Variants in NINJ2 observed in about 807,000 individuals in gnomAD.
The protein encoded by NINJ2 is ninjurin 2, also known as ninjurin-2.
Under a neutral mutation model 11.7 loss-of-function variants are expected in NINJ2, and 12 were observed. The observed-to-expected ratio is 1.02, with a 90% confidence interval of 0.66 to 1.66. The LOEUF (loss-of-function observed/expected upper bound fraction) is 1.66. Among genes scored for constraint, NINJ2 ranks in the 40% most tolerant of loss-of-function variants. The probability of loss-of-function intolerance (pLI) is 0.00; values close to 1 mark genes in which losing one functional copy is unlikely to be tolerated. For missense variants in NINJ2, 187 were observed against 181.8 expected (o/e 1.03, Z -0.16); for synonymous variants, 93 against 76.8 (o/e 1.21, Z -1.10).
intron 1 of NINJ2, among the ~76,000 whole-genome samples, chr12:606,618 A>G (rs993741840): frequency 7.9e-5 from 12 of 152,216 alleles, no homozygotes; most frequent in African/African-American, 2.2e-4. Flanking sequence ...TGAGCTCCAG[A>G]GGACAGAGGA....
chr12:583,463 CT>C (rs1231871401), intron 1 of NINJ2, among the ~76,000 whole-genome samples: 2 of 152,394 alleles, frequency 1.3e-5, no homozygotes, highest in East Asian at 3.9e-4. Flanking sequence ...CAGCCTGAGG[CT>C]GCCACCTGGC....
intron 1 of NINJ2, among the ~76,000 whole-genome samples, chr12:631,327 T>G (rs1948278694): frequency 6.6e-6 from 1 of 152,230 alleles, no homozygotes; most frequent in Admixed American, 6.5e-5. Flanking sequence ...TTTACTCACC[T>G]GAGAGCTGCC....
At position 591,786 on chromosome 12, in the gene NINJ2, A is replaced by T. The variant is rs1233145434; in HGVS notation, c.34-25608T>A. Among the ~76,000 whole-genome samples, 4 of 152,164 alleles carry T rather than the reference A, an allele frequency of 2.6e-5. No individual in the cohort carries two copies. Among genetic ancestry groups the T allele is most frequent in the Admixed American group, 2.6e-4 (4 of 15,276 alleles). ...TTGTGGGAGCTGGCTGCAAGGGCCAAGGGTGTTTCTTTAGAGATATTTCTC... is the reference window on the plus strand; with the variant it reads ...TTGTGGGAGCTGGCTGCAAGGGCCATGGGTGTTTCTTTAGAGATATTTCTC... On this transcript the variant is annotated intron_variant, in intron 1 of 3. Transcript: ENST00000305108. The surrounding 1 kb of genome is among the most constrained non-coding windows in gnomAD (Gnocchi z 5.0).
intron 1 of NINJ2, among the ~76,000 whole-genome samples, chr12:654,246 C>A (rs772593126): frequency 2.0e-5 from 3 of 152,086 alleles, no homozygotes; most frequent in Non-Finnish European, 2.9e-5. Context: ...TGGATGGGGT[C>A]AGGCACGGTG....
At chr12:571,224 T>C (rs1207818939) in intron 1 of NINJ2, among the ~76,000 whole-genome samples, 1 of 152,104 alleles carries the variant, frequency 6.6e-6, no homozygotes, top group Non-Finnish European at 1.5e-5. Flanking sequence ...GACGGGGAGT[T>C]TGGGGCGGCA....
chr12:588,361 G>A (rs908364473), intron 1 of NINJ2, among the ~76,000 whole-genome samples: 7 of 151,960 alleles, frequency 4.6e-5, no homozygotes, highest in East Asian at 1.9e-4. Flanking sequence ...CATCAAATCC[G>A]GAAGCCATAA....
intron 1 of NINJ2, among the ~76,000 whole-genome samples, chr12:641,740 G>A (rs2120488148): frequency 6.6e-6 from 1 of 152,186 alleles, no homozygotes; most frequent in Middle Eastern, 3.4e-3. Context: ...ATCTACTCGG[G>A]AGGCTGAGGG....
rs568474672 is a variant in NINJ2, at chr12:631,239, G to T, written c.33+32089C>A. 3.4e-4 allele frequency among the ~76,000 whole-genome samples: 52 copies of T among 152,320 alleles called. 1 individual carries two copies. The South Asian group carries it at 0.01, about 30-fold the overall frequency. ...CAAACGTTCTGAAGGAAAAGCAAACGGAAGATCCTCCCGCCTCTGCTGGGC... is the reference window on the plus strand; with the variant it reads ...CAAACGTTCTGAAGGAAAAGCAAACTGAAGATCCTCCCGCCTCTGCTGGGC... On this transcript the variant is annotated intron_variant, in intron 1 of 3. Coordinates refer to ENST00000305108, the MANE Select transcript of NINJ2 (RefSeq NM_016533.6).
chr12:598,565 TG>T (rs1947820992), intron 1 of NINJ2, among the ~76,000 whole-genome samples: 1 of 152,216 alleles, frequency 6.6e-6, no homozygotes, highest in Admixed American at 6.5e-5. Flanking sequence ...ATTTAAAACA[TG>T]GTCATCAATT....
At chr12:576,496 G>C (rs1386621167) in intron 1 of NINJ2, among the ~76,000 whole-genome samples, 2 of 152,230 alleles carry the variant, frequency 1.3e-5, no homozygotes, top group African/African-American at 2.4e-5. Flanking sequence ...ATTTATTTTA[G>C]TTATTACTGT....
chr12:599,800 C>T (rs569085232), intron 1 of NINJ2, among the ~76,000 whole-genome samples: 8 of 152,320 alleles, frequency 5.3e-5, no homozygotes, highest in African/African-American at 1.4e-4. Flanking sequence ...GGACCTGCAC[C>T]CCAGCACGCC....
At chr12:593,958 A>G (rs1947749989) in intron 1 of NINJ2, among the ~76,000 whole-genome samples, 1 of 152,256 alleles carries the variant, frequency 6.6e-6, no homozygotes, top group Non-Finnish European at 1.5e-5. Context: ...GATAAAGAAT[A>G]TCTACAAAAA....
chr12:625,170 A>C (rs1948199498), intron 1 of NINJ2, among the ~76,000 whole-genome samples: 1 of 152,032 alleles, frequency 6.6e-6, no homozygotes, highest in African/African-American at 2.4e-5. Context: ...AGTAACTATC[A>C]TTAGCAAGTG....
intron 1 of NINJ2, among the ~76,000 whole-genome samples, chr12:662,637 C>A (rs1032346627): frequency 4.6e-5 from 7 of 152,130 alleles, no homozygotes; most frequent in African/African-American, 1.7e-4. Context: ...CTATTCTATC[C>A]ATTGGCAAGG....
intron 1 of NINJ2, among the ~76,000 whole-genome samples, chr12:630,107 T>C (rs954879469): frequency 1.3e-5 from 2 of 151,294 alleles, no homozygotes; most frequent in African/African-American, 4.9e-5. Flanking sequence ...TTCTTGCCCT[T>C]AGGTAACGCC....
chr12:603,564 A>G (rs550954903), intron 1 of NINJ2, among the ~76,000 whole-genome samples: 42 of 152,168 alleles, frequency 2.8e-4, no homozygotes, highest in Non-Finnish European at 5.3e-4. Context: ...ATCCATTTTG[A>G]ATTAATTTTT....
At chr12:565,590 T>G in intron 2 of NINJ2, 189 bp from the exon 3 acceptor site, 1 of 634,984 alleles carries the variant, frequency 1.6e-6, no homozygotes, top group Non-Finnish European at 2.7e-6. Context: ...GGCACCCTAG[T>G]GTGCTTCATC....
chr12:566,413 C>G (rs967412190), intron 1 of NINJ2, among the ~76,000 whole-genome samples: 11 of 152,108 alleles, frequency 7.2e-5, no homozygotes, highest in Non-Finnish European at 1.5e-4. Flanking sequence ...GGAGAGTCAC[C>G]CCTTCCCTCA....
intron 1 of NINJ2, among the ~76,000 whole-genome samples, chr12:622,122 GA>G (rs71045087): frequency 0.45 from 45,999 of 101,182 alleles, 9,083 homozygotes; most frequent in Non-Finnish European, 0.5. Context: ...ACTGTGTCGG[GA>G]AAAAAAAAAA....
Sources: allele counts gnomAD v4.1 joint callset (sites outside exome capture counted in the v4.1 genomes callset), GRCh38; gene constraint gnomAD v4.1.1; non-coding constraint Gnocchi (gnomAD v3.1); transcripts MANE v1.5; gene names NCBI Gene and HGNC (gene_info 2026-07-23, HGNC 2026-07-21).